The following TMEM26 variants were observed in gnomAD, a reference collection of about 807,000 sequenced individuals.
The protein encoded by TMEM26 is transmembrane protein 26.
A neutral mutation model predicts 28.8 loss-of-function variants in TMEM26; 38 were observed. That is an observed-to-expected ratio of 1.32 (90% CI 1.02 to 1.73). The LOEUF (loss-of-function observed/expected upper bound fraction) is 1.73. TMEM26 is among the 40% of genes most tolerant of loss of function. The probability of loss-of-function intolerance (pLI) is 0.00; values close to 1 mark genes in which losing one functional copy is unlikely to be tolerated. For missense variants in TMEM26, 518 were observed against 447.1 expected (o/e 1.16, Z -1.43); for synonymous variants, 227 against 182.9 (o/e 1.24, Z -1.95).
chr10:61,425,030 G>A (rs1399986523), intron 4 of TMEM26, among the ~76,000 whole-genome samples: 1 of 152,162 alleles, frequency 6.6e-6, no homozygotes, highest in African/African-American at 2.4e-5. Context: ...CCAACACTGG[G>A]TAATTTATAC....
rs1193942857 is a variant in TMEM26, at chr10:61,408,943, C to T, written c.*1379G>A. ...CCAGAGAGTTACAGATAAAATTGTCCCAACTGGTTGTCAATAAGTCATACC... is the reference window on the plus strand; with the variant it reads ...CCAGAGAGTTACAGATAAAATTGTCTCAACTGGTTGTCAATAAGTCATACC... On this transcript the variant is annotated 3_prime_UTR_variant, in exon 6 of 6. Transcript: ENST00000399298. 2 of 152,012 alleles carry T rather than the reference C, an allele frequency of 1.3e-5. No individual in the cohort carries two copies. The highest frequency in any genetic ancestry group is 2.9e-5 in the Non-Finnish European group (2 of 68,010). The allele number at this position is 152,012 out of a possible 1,614,324, so 9.4% of individuals were successfully genotyped here.
At chr10:61,427,401 T>G (rs1839849293) in intron 4 of TMEM26, among the ~76,000 whole-genome samples, 1 of 152,036 alleles carries the variant, frequency 6.6e-6, no homozygotes, top group Non-Finnish European at 1.5e-5. Context: ...GCTCAGTGCT[T>G]GACACATATT....
chr10:61,444,056 C>T (rs1033961073), intron 1 of TMEM26, among the ~76,000 whole-genome samples: 1 of 152,182 alleles, frequency 6.6e-6, no homozygotes, highest in Non-Finnish European at 1.5e-5. Flanking sequence ...CTTTTCTGCA[C>T]TCATAACCAC....
At chr10:61,435,271 T>G (rs1187461421) in intron 2 of TMEM26, among the ~76,000 whole-genome samples, 1 of 152,124 alleles carries the variant, frequency 6.6e-6, no homozygotes, top group Non-Finnish European at 1.5e-5. Flanking sequence ...AACCTCCACC[T>G]CCGGGTTCAA....
In TMEM26 at chr10:61,453,084, T is replaced by A; in HGVS notation, c.-3A>T. 6.2e-7 allele frequency: 1 copy of A among 1,611,280 alleles called. No individual in the cohort carries two copies. The highest frequency in any genetic ancestry group is 1.1e-5 in the South Asian group (1 of 91,032). On this transcript the variant is annotated 5_prime_UTR_variant, in exon 1 of 6. Coordinates refer to ENST00000399298, the MANE Select transcript of TMEM26 (RefSeq NM_178505.8). The stretch of plus-strand genomic sequence containing the variant: ...TTAAGGAAGACCAGTCCCTCCATGC[T>A]GGCCGGAGCACTCTGCCTACGTCCC...
At chr10:61,428,372 G>A (rs1180942972) in intron 4 of TMEM26, among the ~76,000 whole-genome samples, 1 of 152,036 alleles carries the variant, frequency 6.6e-6, no homozygotes, top group Non-Finnish European at 1.5e-5. Context: ...GAAAGCCTGT[G>A]GGCACTTTGA....
chr10:61,434,777 T>C (rs1455567207), intron 2 of TMEM26, among the ~76,000 whole-genome samples: 1 of 152,222 alleles, frequency 6.6e-6, no homozygotes, highest in African/African-American at 2.4e-5. Context: ...TAAATTCCCC[T>C]TTGTGTGCCT....
At chr10:61,426,313 G>T (rs1405668587) in intron 4 of TMEM26, among the ~76,000 whole-genome samples, 2 of 152,104 alleles carry the variant, frequency 1.3e-5, no homozygotes, top group Non-Finnish European at 2.9e-5. Flanking sequence ...TTTTTGGAGT[G>T]ATGGGAATGT....
rs549225339 is a variant in TMEM26 at position 61,411,277 on chromosome 10, A to C, written c.683-531T>G. ...AACTGGGATAACAATCATATCAGTG[A>C]GGAGAGGGGTCCCTATTCATTGGCT... is the stretch of plus-strand genomic sequence containing the variant. On this transcript the variant is annotated intron_variant, in intron 5 of 5. Coordinates refer to ENST00000399298, the MANE Select transcript of TMEM26 (RefSeq NM_178505.8). 2.0e-5 allele frequency among the ~76,000 whole-genome samples: 3 copies of C among 152,334 alleles called. No individual in the cohort carries two copies. The East Asian group carries it at 5.8e-4, about 29-fold the overall frequency.
chr10:61,421,861 G>A (rs1429407429), intron 4 of TMEM26, among the ~76,000 whole-genome samples: 1 of 151,944 alleles, frequency 6.6e-6, no homozygotes, highest in Non-Finnish European at 1.5e-5. Flanking sequence ...TAAATCAAAA[G>A]ACAAAAACTG....
intron 1 of TMEM26, among the ~76,000 whole-genome samples, chr10:61,449,306 G>A (rs914824888): frequency 1.3e-5 from 2 of 150,754 alleles, no homozygotes; most frequent in Non-Finnish European, 1.5e-5. Flanking sequence ...TTAGCTTAAC[G>A]GGGGACATGT....
At chr10:61,425,784 G>A (rs1386119545) in intron 4 of TMEM26, among the ~76,000 whole-genome samples, 1 of 152,054 alleles carries the variant, frequency 6.6e-6, no homozygotes, top group Non-Finnish European at 1.5e-5. Context: ...AAGACTACAG[G>A]GAAAAGGATG....
intron 4 of TMEM26, among the ~76,000 whole-genome samples, chr10:61,423,272 A>G (rs1260523602): frequency 6.6e-6 from 1 of 152,192 alleles, no homozygotes; most frequent in Non-Finnish European, 1.5e-5. Flanking sequence ...AAAATATTTA[A>G]AGAAGAAATA....
At chr10:61,427,366 C>T (rs1382894369) in intron 4 of TMEM26, among the ~76,000 whole-genome samples, 1 of 151,990 alleles carries the variant, frequency 6.6e-6, no homozygotes, top group African/African-American at 2.4e-5. Context: ...TACTTGCTCA[C>T]AATTTGTTCC....
intron 1 of TMEM26, among the ~76,000 whole-genome samples, chr10:61,448,861 T>A (rs1407759634): frequency 6.6e-6 from 1 of 152,224 alleles, no homozygotes; most frequent in Non-Finnish European, 1.5e-5. Context: ...TGCCAGTAAG[T>A]TCAACCTAGC....
rs565654971 is a variant in TMEM26, at chr10:61,451,452, A to G, written c.191+1439T>C. The stretch of plus-strand genomic sequence containing the variant: ...AGACTTCATCTTTCTGTGACCAAAG[A>G]TATTTCCACTCTGGCTTATTAAACC... On this transcript the variant is annotated intron_variant, in intron 1 of 5. Transcript: ENST00000399298. Among the ~76,000 whole-genome samples, 4 of 152,286 alleles carry G rather than the reference A, an allele frequency of 2.6e-5. No homozygotes were observed. In the South Asian group the frequency reaches 6.2e-4, roughly 24 times the overall value.
At chr10:61,443,514 A>T (rs1243551939) in intron 1 of TMEM26, among the ~76,000 whole-genome samples, 1 of 151,814 alleles carries the variant, frequency 6.6e-6, no homozygotes, top group Non-Finnish European at 1.5e-5. Flanking sequence ...TTATTCAGTG[A>T]TCTTAAGGAT....
At chr10:61,412,005 T>A (rs182996602) in intron 5 of TMEM26, among the ~76,000 whole-genome samples, 1 of 152,352 alleles carries the variant, frequency 6.6e-6, no homozygotes, top group Non-Finnish European at 1.5e-5. Flanking sequence ...ACAAATTTTC[T>A]TAGCAAGGCA....
intron 4 of TMEM26, among the ~76,000 whole-genome samples, chr10:61,416,628 A>G (rs1004817811): frequency 6.6e-6 from 1 of 151,986 alleles, no homozygotes; most frequent in Non-Finnish European, 1.5e-5. Flanking sequence ...TCCTTGCCTG[A>G]CATGTCTTTG....
Sources: gnomAD v4.1 joint callset for allele counts (sites outside exome capture counted in the v4.1 genomes callset) on GRCh38, gnomAD v4.1.1 for gene constraint, MANE v1.5 for transcripts, NCBI Gene and HGNC (gene_info 2026-07-23, HGNC 2026-07-21) for gene names.